Variants in SLC8A1 observed in about 807,000 individuals in gnomAD.
SLC8A1 encodes the protein sodium/calcium exchanger 1.
SLC8A1 carries 18 observed loss-of-function variants against 68.3 expected under a neutral mutation model. The observed-to-expected ratio is 0.26, with a 90% CI of 0.18 to 0.39. SLC8A1 has a LOEUF of 0.39. SLC8A1 is among the 10% of genes least tolerant of loss of function. SLC8A1 has a pLI of 1.00. For missense variants in SLC8A1, 985 were observed against 1,156.7 expected, an observed-to-expected ratio of 0.85 and a Z score of 2.15; for synonymous variants, 475 against 415.5, an observed-to-expected ratio of 1.14 and a Z score of -1.74.
Position 40,240,244 on chromosome 2 carries a change from C to T in SLC8A1, c.1809-62389G>A, listed in dbSNP as rs192596355. Among the ~76,000 whole-genome samples, 10 of 152,300 alleles carry T rather than the reference C, an allele frequency of 6.6e-5. No individual in the cohort carries two copies. The East Asian group carries it at 7.7e-4, about 12-fold the overall frequency. On this transcript the variant is annotated intron_variant, in intron 2 of 7. Coordinates refer to ENST00000406785, the Ensembl canonical transcript of SLC8A1. ...TTATGTAACTGTTGTTAAGGGCTGA[C>T]GACATGGCAGGCTCTGTGCCAAGTC... is the stretch of plus-strand genomic sequence containing the variant.
At chr2:40,268,283 CA>C (rs955758538) in intron 2 of SLC8A1, among the ~76,000 whole-genome samples, 14 of 152,026 alleles carry the variant, frequency 9.2e-5, no homozygotes, top group African/African-American at 3.4e-4. Flanking sequence ...GTCCCTACAC[CA>C]TACTCACTAA....
At chr2:40,260,252 C>A (rs920232686) in intron 2 of SLC8A1, among the ~76,000 whole-genome samples, 9 of 152,126 alleles carry the variant, frequency 5.9e-5, no homozygotes, top group African/African-American at 2.2e-4. Flanking sequence ...TCAAGCTATT[C>A]CTCAAGGACA....
At chr2:40,142,372 A>C (rs1461347855) in intron 6 of SLC8A1, among the ~76,000 whole-genome samples, 4 of 113,008 alleles carry the variant, frequency 3.5e-5, no homozygotes, top group Admixed American at 3.1e-4. Flanking sequence ...AGAAGGGTGC[A>C]TATACTCAGA....
At chr2:40,192,143 CATT>C (rs1272336772) in intron 2 of SLC8A1, among the ~76,000 whole-genome samples, 2 of 152,028 alleles carry the variant, frequency 1.3e-5, no homozygotes, top group Non-Finnish European at 2.9e-5. Context: ...CATGTGCTTT[CATT>C]ATTATTATCT....
At chr2:40,434,160 G>A (rs1156721079) in intron 1 of SLC8A1, among the ~76,000 whole-genome samples, 1 of 152,120 alleles carries the variant, frequency 6.6e-6, no homozygotes, top group Non-Finnish European at 1.5e-5. Flanking sequence ...TCTAAAGGTA[G>A]ACAGGTCAGT....
At chr2:40,428,829 G>T in exon 2 of SLC8A1, 3 of 1,613,788 alleles carry the variant, frequency 1.9e-6, no homozygotes, top group Non-Finnish European at 2.5e-6. Context: ...CCTCCTCAAA[G>T]ATATCATCAT....
intron 2 of SLC8A1, among the ~76,000 whole-genome samples, chr2:40,236,313 G>A (rs2060363568): frequency 6.6e-6 from 1 of 152,022 alleles, no homozygotes; most frequent in Admixed American, 6.5e-5. Flanking sequence ...ATTTAGGATA[G>A]TTAGCTCTTC....
intron 2 of SLC8A1, among the ~76,000 whole-genome samples, chr2:40,302,437 TTGTGTG>T (rs60780425): frequency 4.1e-4 from 55 of 132,946 alleles, no homozygotes; most frequent in South Asian, 2.0e-3. Context: ...TAGTATTCCA[TTGTGTG>T]TGTGTGTGTG....
chr2:40,384,527 A>C (rs1270905264), intron 2 of SLC8A1, among the ~76,000 whole-genome samples: 1 of 152,102 alleles, frequency 6.6e-6, no homozygotes, highest in African/African-American at 2.4e-5. Flanking sequence ...AGAACATAGA[A>C]GACAGAACTA....
chr2:40,360,859 G>A (rs1365950143), intron 2 of SLC8A1, among the ~76,000 whole-genome samples: 19 of 152,134 alleles, frequency 1.2e-4, no homozygotes, highest in Admixed American at 1.2e-3. Context: ...GCCACACAGT[G>A]TTGTGGTTTA....
chr2:40,111,932 A>C (rs939327630), exon 8 of SLC8A1: 6 of 152,174 alleles, frequency 3.9e-5, no homozygotes, highest in African/African-American at 1.4e-4. Context: ...AAGGATGTAG[A>C]TAGAGTCATA....
intron 2 of SLC8A1, among the ~76,000 whole-genome samples, chr2:40,298,491 G>C (rs776227903): frequency 6.6e-6 from 1 of 152,142 alleles, no homozygotes; most frequent in Non-Finnish European, 1.5e-5. Context: ...TTGGGGGTAG[G>C]AGAATGAGGC....
chr2:40,473,686 A>G (rs1387363061), intron 1 of SLC8A1, among the ~76,000 whole-genome samples: 1 of 152,226 alleles, frequency 6.6e-6, no homozygotes, highest in Non-Finnish European at 1.5e-5. Context: ...GACAAAGGAT[A>G]GTGGGCTTGT....
At chr2:40,376,170 T>C (rs143408939) in intron 2 of SLC8A1, among the ~76,000 whole-genome samples, 46 of 152,280 alleles carry the variant, frequency 3.0e-4, no homozygotes, top group African/African-American at 9.9e-4. Context: ...GATTGCAATA[T>C]AAGTTTGTGA....
At chr2:40,338,443 T>C (rs998923493) in intron 2 of SLC8A1, among the ~76,000 whole-genome samples, 3 of 152,176 alleles carry the variant, frequency 2.0e-5, no homozygotes, top group African/African-American at 7.2e-5. Flanking sequence ...CCAGCTATTC[T>C]GAGAACTCTG....
At chr2:40,229,425 T>G (rs568652545) in intron 2 of SLC8A1, among the ~76,000 whole-genome samples, 10 of 152,266 alleles carry the variant, frequency 6.6e-5, no homozygotes, top group African/African-American at 2.4e-4. Context: ...AAAAAATCTG[T>G]TGTTAGAGAA....
chr2:40,284,506 A>T (rs1003720606), intron 2 of SLC8A1, among the ~76,000 whole-genome samples: 1 of 142,700 alleles, frequency 7.0e-6, no homozygotes, highest in Non-Finnish European at 1.5e-5. Context: ...TCTAGCCAAC[A>T]ATATATATAG....
In SLC8A1 at chr2:40,166,386, A is replaced by G. The variant is rs145948856; in HGVS notation, c.1931-1402T>C. Among the ~76,000 whole-genome samples, 237 of 152,346 alleles carry G rather than the reference A, an allele frequency of 1.6e-3. 1 individual carries two copies. The highest frequency in any genetic ancestry group is 5.6e-3 in the African/African-American group (231 of 41,584). On this transcript the variant is annotated intron_variant, in intron 4 of 7. Transcript: ENST00000406785. Reference sequence around the variant, plus strand: ...GTAGCATATTGATTAATTCTTTAGTATACATTTTATAGTGTCATCCTAAAA... The same window carrying G: ...GTAGCATATTGATTAATTCTTTAGTGTACATTTTATAGTGTCATCCTAAAA...
At chr2:40,258,307 T>A (rs2064219368) in intron 2 of SLC8A1, among the ~76,000 whole-genome samples, 2 of 152,202 alleles carry the variant, frequency 1.3e-5, no homozygotes, top group African/African-American at 4.8e-5. Flanking sequence ...AGTGCTGGCA[T>A]GCCAAGAGCA....
Sources: gnomAD v4.1 joint callset for allele counts (sites outside exome capture counted in the v4.1 genomes callset) on GRCh38, gnomAD v4.1.1 for gene constraint, MANE v1.5 for transcripts, NCBI Gene and HGNC (gene_info 2026-07-23, HGNC 2026-07-21) for gene names.